Variants in VEZT observed in about 807,000 individuals in gnomAD.
The protein encoded by VEZT is vezatin, adherens junctions transmembrane protein.
Under a neutral mutation model 79.9 loss-of-function variants are expected in VEZT, and 39 were observed. The ratio of observed to expected loss-of-function variants is 0.49; its 90% CI spans 0.38 to 0.64. VEZT has a LOEUF of 0.64. VEZT is among the 30% of genes least tolerant of loss of function. The pLI, the probability that VEZT is intolerant of heterozygous loss-of-function variation, is 0.00. For missense variants in VEZT, 837 were observed against 893.1 expected, an observed-to-expected ratio of 0.94 and a Z score of 0.80; for synonymous variants, 325 against 327.6, an observed-to-expected ratio of 0.99 and a Z score of 0.09.
intron 2 of VEZT, among the ~76,000 whole-genome samples, chr12:95,255,752 C>T (rs1330177960): frequency 6.6e-6 from 1 of 152,042 alleles, no homozygotes; most frequent in Non-Finnish European, 1.5e-5. Context: ...TTTAATCATG[C>T]TTCTTGTCTA....
At chr12:95,219,365 C>T (rs1011175475) in intron 1 of VEZT, among the ~76,000 whole-genome samples, 2 of 152,062 alleles carry the variant, frequency 1.3e-5, no homozygotes, top group African/African-American at 4.8e-5. Context: ...GGTATGTGTT[C>T]TTATAGACTT....
intron 9 of VEZT, among the ~76,000 whole-genome samples, chr12:95,288,122 T>C (rs2071468421): frequency 6.6e-6 from 1 of 152,184 alleles, no homozygotes; most frequent in South Asian, 2.1e-4. Context: ...AGAGAATAAA[T>C]TTTGATAGCA....
At chr12:95,218,186 G>GT (rs1311717183) in intron 1 of VEZT, 1 of 281,450 alleles carries the variant, frequency 3.6e-6, no homozygotes, top group Admixed American at 5.4e-5. Flanking sequence ...ATGTGCGGCG[G>GT]GGGGGACTGC....
At chr12:95,254,137 T>C (rs2137959981) in intron 2 of VEZT, among the ~76,000 whole-genome samples, 2 of 151,918 alleles carry the variant, frequency 1.3e-5, no homozygotes, top group Non-Finnish European at 1.5e-5. Context: ...TGTGCCACCA[T>C]GCCCAGCTAA....
intron 2 of VEZT, among the ~76,000 whole-genome samples, chr12:95,256,792 C>T (rs2063543935): frequency 6.6e-6 from 1 of 152,184 alleles, no homozygotes; most frequent in South Asian, 2.1e-4. Flanking sequence ...TAAATACTAT[C>T]ATCATGTTGA....
At chr12:95,290,838 A>G (rs2092981565) in intron 9 of VEZT, 1 of 152,098 alleles carries the variant, frequency 6.6e-6, no homozygotes, top group African/African-American at 2.4e-5. Context: ...ACACATATAC[A>G]TATATATACA....
At position 95,246,962 on chromosome 12, in the gene VEZT, G is replaced by T. The variant is rs527479006; in HGVS notation, c.37-4978G>T. 4.6e-5 allele frequency among the ~76,000 whole-genome samples: 7 copies of T among 152,206 alleles called. 1 individual carries two copies. In the South Asian group the frequency reaches 1.5e-3, roughly 32 times the overall value. On this transcript the variant is annotated intron_variant, in intron 1 of 11. Transcript: ENST00000436874. ...CTAAAGCTACCATCTAATACTTTAT[G>T]AAAAATAAATATTTCCCTGTATTTA...
intron 2 of VEZT, among the ~76,000 whole-genome samples, chr12:95,253,693 A>G (rs1357851120): frequency 6.6e-6 from 1 of 152,212 alleles, no homozygotes; most frequent in African/African-American, 2.4e-5. Flanking sequence ...TATGACAAGT[A>G]TTTTTATATA....
In VEZT at chr12:95,264,869, C is replaced by CTTTTTT. The variant is rs71078693; in HGVS notation, c.435-1472_435-1467dup. 2.8e-3 allele frequency among the ~76,000 whole-genome samples: 315 copies of CTTTTTT among 113,300 alleles called. 3 individuals carry two copies. Among genetic ancestry groups the CTTTTTT allele is most frequent in the East Asian group, 5.2e-3 (22 of 4,204 alleles). 74.3% of individuals were successfully genotyped at this position (113,300 alleles called of 152,430 possible). ...TATACTCCCCTCTTTCTTTTCTTTT[C>CTTTTTT]TTTTTTTTTTTTTTTTTTTTTGAGA... is the stretch of plus-strand genomic sequence containing the variant. On this transcript the variant is annotated intron_variant, in intron 4 of 11. Coordinates refer to ENST00000436874, the MANE Select transcript of VEZT (RefSeq NM_017599.4).
rs2066300494 is a variant in VEZT at position 95,270,098 on chromosome 12, A to C, written c.758A>C (p.Gln253Pro). ...PFNKAGQHPS[Q>P]HLIGLRKAVY... ...AATAAAGCTGGACAGCATCCAAGTC[A>C]GCATCTCATCGGTCTTCGGAAAGCT... The change falls in exon 6 of 12, where the codon CAG (glutamine) becomes CCG (proline). Residue 253 changes from glutamine to proline, a missense_variant. Physicochemically the swap from Gln to Pro is moderately conservative, Grantham distance 76. Coordinates refer to ENST00000436874, the MANE Select transcript of VEZT (RefSeq NM_017599.4). The C allele has an allele frequency of 6.2e-7, 1 of 1,612,042 alleles. No individual in the cohort carries two copies. Among genetic ancestry groups the C allele is most frequent in the East Asian group, 2.2e-5 (1 of 44,846 alleles).
At chr12:95,234,215 T>C (rs1417155652) in intron 1 of VEZT, among the ~76,000 whole-genome samples, 10 of 152,136 alleles carry the variant, frequency 6.6e-5, no homozygotes, top group Non-Finnish European at 1.3e-4. Flanking sequence ...ATATTATTAC[T>C]GGTTTATGTG....
intron 10 of VEZT, among the ~76,000 whole-genome samples, 198 bp from the exon 11 acceptor site, chr12:95,295,853 G>T (rs956417697): frequency 6.6e-6 from 1 of 152,164 alleles, no homozygotes; most frequent in East Asian, 1.9e-4. Context: ...AGTATCAACT[G>T]TTAGGTTGTT....
In VEZT at chr12:95,266,426, C is replaced by CTGGCTGG; in HGVS notation, c.506_512dup (p.Trp172AlafsTer47). On this transcript the variant is annotated frameshift_variant, in exon 5 of 12. Transcript: ENST00000436874. LOFTEE classifies it high-confidence loss of function. ...TTCCCACTTGGTGGATTGTGTCTTC[C>CTGGCTGG]TGGCTGGTATGGGGAGTGATTCTAT... is the stretch of plus-strand genomic sequence containing the variant. 6.2e-7 allele frequency: 1 copy of CTGGCTGG among 1,613,844 alleles called. No individual in the cohort carries two copies. Among genetic ancestry groups the CTGGCTGG allele is most frequent in the East Asian group, 2.2e-5 (1 of 44,864 alleles).
intron 1 of VEZT, among the ~76,000 whole-genome samples, chr12:95,236,341 C>G (rs1039539302): frequency 2.6e-5 from 4 of 152,064 alleles, no homozygotes; most frequent in Non-Finnish European, 5.9e-5. Flanking sequence ...GAGAATCAGG[C>G]AGGGAGGTTG....
At chr12:95,285,257 A>G (rs1283538492) in intron 8 of VEZT, among the ~76,000 whole-genome samples, 4 of 151,840 alleles carry the variant, frequency 2.6e-5, no homozygotes, top group Non-Finnish European at 4.4e-5. Context: ...AGCCTAAGCA[A>G]CATGGGAAAC....
chr12:95,243,834 G>T (rs1213793327), intron 1 of VEZT: 16 of 401,582 alleles, frequency 4.0e-5, no homozygotes, highest in Non-Finnish European at 6.9e-5. Flanking sequence ...CTTGGGAACT[G>T]ATTAATTCCT....
intron 11 of VEZT, chr12:95,296,571 C>G (rs936656453): frequency 5.3e-6 from 1 of 188,798 alleles, no homozygotes; most frequent in Non-Finnish European, 1.1e-5. Context: ...ATTTGAGATT[C>G]TCAACTCTGT....
At chr12:95,286,134 AG>A (rs1238527164) in intron 8 of VEZT, among the ~76,000 whole-genome samples, 1 of 151,858 alleles carries the variant, frequency 6.6e-6, no homozygotes, top group Non-Finnish European at 1.5e-5. Context: ...CTGGGATCAC[AG>A]GCACCTGCCA....
At chr12:95,281,972 C>CCTA (rs2069264738) in intron 7 of VEZT, among the ~76,000 whole-genome samples, 1 of 151,790 alleles carries the variant, frequency 6.6e-6, no homozygotes. Flanking sequence ...ATCCACTAGT[C>CCTA]CTACTATCTT....
Sources: allele counts gnomAD v4.1 joint callset (sites outside exome capture counted in the v4.1 genomes callset), GRCh38; gene constraint gnomAD v4.1.1; transcripts MANE v1.5; gene names NCBI Gene and HGNC (gene_info 2026-07-23, HGNC 2026-07-21).